SMAD9: variants seen among roughly 807,000 people sequenced by gnomAD.
SMAD9 encodes the protein SMAD family member 9, also known as MAD homolog 9.
A neutral mutation model predicts 46.1 loss-of-function variants in SMAD9; 36 were observed. The ratio of observed to expected loss-of-function variants is 0.78; its 90% CI spans 0.60 to 1.03. The LOEUF (loss-of-function observed/expected upper bound fraction) is 1.03, where lower values mean the gene tolerates loss of function less well. Among genes scored for constraint, SMAD9 ranks in the 50% least tolerant of loss-of-function variants. The pLI is 0.00. For missense variants in SMAD9, 572 were observed against 599.8 expected (o/e 0.95, Z 0.48); for synonymous variants, 245 against 237.1 (o/e 1.03, Z -0.31).
chr13:36,856,577 T>C (rs2058127479), intron 5 of SMAD9, among the ~76,000 whole-genome samples: 1 of 152,180 alleles, frequency 6.6e-6, no homozygotes, highest in South Asian at 2.1e-4. Flanking sequence ...AGATTCTGGC[T>C]AGAGACACCA....
At chr13:36,896,549 G>T (rs2058530433) in intron 1 of SMAD9, among the ~76,000 whole-genome samples, 1 of 152,010 alleles carries the variant, frequency 6.6e-6, no homozygotes, top group South Asian at 2.1e-4. Flanking sequence ...ATGCATATCT[G>T]ATCCTACCAT....
At chr13:36,863,418 G>C (rs1164335875) in intron 5 of SMAD9, among the ~76,000 whole-genome samples, 1 of 152,246 alleles carries the variant, frequency 6.6e-6, no homozygotes, top group African/African-American at 2.4e-5. Flanking sequence ...AGGTGCTCCA[G>C]TTTGCAGAAC....
At chr13:36,917,777 G>C (rs960136956) in intron 1 of SMAD9, among the ~76,000 whole-genome samples, 16 of 152,152 alleles carry the variant, frequency 1.1e-4, no homozygotes, top group African/African-American at 3.9e-4. Flanking sequence ...ATTACAGAGG[G>C]AATGTCAGAT....
chr13:36,905,708 G>A (rs1236204809), intron 1 of SMAD9, among the ~76,000 whole-genome samples: 15 of 141,110 alleles, frequency 1.1e-4, no homozygotes, highest in African/African-American at 3.4e-4. Flanking sequence ...TGGGGAGTTC[G>A]AGACTCCTGT....
In SMAD9 at chr13:36,860,304, A is replaced by T. The variant is rs569167150; in HGVS notation, c.1003+5233T>A. On this transcript the variant is annotated intron_variant, in intron 5 of 6. Transcript: ENST00000379826. ...AAAATAAAGATTCATAAAATGGTTT[A>T]AAAAAAGCCCAATTCCAAAAACAAT... 6.4e-4 allele frequency among the ~76,000 whole-genome samples: 98 copies of T among 152,266 alleles called. 1 individual carries two copies. Among genetic ancestry groups the T allele is most frequent in the Non-Finnish European group, 1.2e-3 (84 of 68,016 alleles).
chr13:36,911,148 G>A (rs1210152087), intron 1 of SMAD9, among the ~76,000 whole-genome samples: 1 of 151,910 alleles, frequency 6.6e-6, no homozygotes, highest in African/African-American at 2.4e-5. Context: ...TGGGGCTACA[G>A]GCACGCCCCA....
intron 6 of SMAD9, among the ~76,000 whole-genome samples, chr13:36,853,209 C>T (rs895354349): frequency 4.6e-5 from 7 of 152,010 alleles, no homozygotes; most frequent in Non-Finnish European, 8.8e-5. Context: ...CGCTTGAACC[C>T]GGGAGGCAGA....
chr13:36,876,109 C>T (rs1237207360), intron 2 of SMAD9, among the ~76,000 whole-genome samples: 1 of 152,060 alleles, frequency 6.6e-6, no homozygotes, highest in Non-Finnish European at 1.5e-5. Flanking sequence ...TATGACAGTG[C>T]GCTTACAGAC....
At chr13:36,910,077 G>C (rs1460209814) in intron 1 of SMAD9, among the ~76,000 whole-genome samples, 2 of 151,920 alleles carry the variant, frequency 1.3e-5, no homozygotes, top group Non-Finnish European at 2.9e-5. Flanking sequence ...GGCGCCTGTA[G>C]TCCCAGCTAC....
At chr13:36,900,081 C>T (rs1016634859) in intron 1 of SMAD9, among the ~76,000 whole-genome samples, 8 of 152,066 alleles carry the variant, frequency 5.3e-5, no homozygotes, top group African/African-American at 1.9e-4. Context: ...CCTTCTTTTC[C>T]TTCTACTCTC....
chr13:36,872,556 A>G, intron 3 of SMAD9, 102 bp downstream of exon 3: 3 of 1,335,288 alleles, frequency 2.2e-6, no homozygotes, highest in Non-Finnish European at 3.2e-6. Context: ...TTTATACTAT[A>G]TGAATGACAG....
At position 36,853,543 on chromosome 13, in the gene SMAD9, C is replaced by A; in HGVS notation, c.1136G>T (p.Gly379Val). The A allele has an allele frequency of 6.2e-7, 1 of 1,614,152 alleles. No homozygotes were observed. Among genetic ancestry groups the A allele is most frequent in the Non-Finnish European group, 8.5e-7 (1 of 1,180,028 alleles). The part of the protein sequence containing the change: ...HPATVCKIPS[G>V]CSLKVFNNQL... ...GTTGTTGAAGACCTTGAGGCTGCAGCCGCTGGGGATCTTGCAGACGGTAGC... is the reference window on the plus strand; with the variant it reads ...GTTGTTGAAGACCTTGAGGCTGCAGACGCTGGGGATCTTGCAGACGGTAGC... Residue 379 changes from glycine to valine, a missense_variant, in exon 6 of 7, where the codon GGC (glycine) becomes GTC (valine). Gly to Val is a moderately radical substitution (Grantham distance 109). Transcript: ENST00000379826.
At chr13:36,879,170 C>T in intron 2 of SMAD9, 108 bp downstream of exon 2, 1 of 1,037,182 alleles carries the variant, frequency 9.6e-7, no homozygotes, top group Admixed American at 2.0e-5. Context: ...TCTTCTCTCT[C>T]TCTCTTTTGG....
intron 5 of SMAD9, among the ~76,000 whole-genome samples, chr13:36,856,478 G>C (rs1006191708): frequency 1.8e-4 from 27 of 152,206 alleles, no homozygotes; most frequent in Admixed American, 1.6e-3. Flanking sequence ...CATCCAGAGA[G>C]AGAAGAGCAG....
chr13:36,867,739 A>C (rs2058249705), intron 3 of SMAD9, among the ~76,000 whole-genome samples: 1 of 152,188 alleles, frequency 6.6e-6, no homozygotes. Flanking sequence ...AGAAAGCTAA[A>C]CCTTCTTTGA....
intron 6 of SMAD9, among the ~76,000 whole-genome samples, chr13:36,851,107 T>C (rs567340667): frequency 1.3e-5 from 2 of 152,304 alleles, no homozygotes; most frequent in Admixed American, 6.5e-5. Context: ...GAATAGAAGT[T>C]AGATCATGAA....
In SMAD9 at chr13:36,879,837, G is replaced by T; in HGVS notation, c.-148C>A. The T allele has an allele frequency of 3.7e-6, 3 of 807,984 alleles. No homozygotes were observed. The South Asian group carries it at 4.9e-5, about 13-fold the overall frequency. The allele number at this position is 807,984 out of a possible 1,614,324, so 50.1% of individuals were successfully genotyped here. ...GGGACCAATTCAAGTTGCGAAGTGT[G>T]TTGACTTTCTCCTAAGCCCTTGAAC... On this transcript the variant is annotated 5_prime_UTR_variant, in exon 2 of 7. Coordinates refer to ENST00000379826, the MANE Select transcript of SMAD9 (RefSeq NM_001127217.3).
chr13:36,866,920 C>T (rs190907143), intron 4 of SMAD9, among the ~76,000 whole-genome samples: 1 of 152,308 alleles, frequency 6.6e-6, no homozygotes, highest in African/African-American at 2.4e-5. Context: ...GAGTACCTCT[C>T]TGGCCAACTG....
intron 1 of SMAD9, among the ~76,000 whole-genome samples, chr13:36,916,865 G>A (rs1172805060): frequency 6.6e-6 from 1 of 151,450 alleles, no homozygotes; most frequent in Non-Finnish European, 1.5e-5. Context: ...TGAGGATCCT[G>A]TGGGAGGTGG....
Sources: gnomAD v4.1 joint callset for allele counts (sites outside exome capture counted in the v4.1 genomes callset) on GRCh38, gnomAD v4.1.1 for gene constraint, MANE v1.5 for transcripts, NCBI Gene and HGNC (gene_info 2026-07-23, HGNC 2026-07-21) for gene names.